The following SLC2A14 variants were observed in gnomAD, a reference collection of about 807,000 sequenced individuals.
The protein encoded by SLC2A14 is solute carrier family 2, facilitated glucose transporter member 14.
A neutral mutation model predicts 43.0 loss-of-function variants in SLC2A14; 13 were observed. The ratio of observed to expected loss-of-function variants is 0.30; its 90% CI spans 0.20 to 0.48. The LOEUF (loss-of-function observed/expected upper bound fraction) is 0.48, where lower values mean the gene tolerates loss of function less well. Among genes scored for constraint, SLC2A14 ranks in the 20% least tolerant of loss-of-function variants. The probability of loss-of-function intolerance (pLI) is 0.99; values close to 1 mark genes in which losing one functional copy is unlikely to be tolerated. For missense variants in SLC2A14, 428 were observed against 620.4 expected (o/e 0.69, Z 3.29); for synonymous variants, 190 against 233.8 (o/e 0.81, Z 1.71).
In SLC2A14 at chr12:7,817,877, T is replaced by C. The variant is rs1333008971; in HGVS notation, c.1229A>G (p.Asn410Ser). 1.9e-6 allele frequency: 3 copies of C among 1,614,048 alleles called. No individual in the cohort carries two copies. Among genetic ancestry groups the C allele is most frequent in the Non-Finnish European group, 2.5e-6 (3 of 1,179,964 alleles). ...TCCGACTAGGAAGTTGGAGGTCCAGTTGGAGCAGCCGGCCACTGCCATCGC... is the reference window on the plus strand; with the variant it reads ...TCCGACTAGGAAGTTGGAGGTCCAGCTGGAGCAGCCGGCCACTGCCATCGC... ...PAAMAVAGCS[N>S]WTSNFLVGLL... The change falls in exon 10 of 11, where the codon AAC becomes AGC. Residue 410 changes from asparagine (N) to serine (S), a missense_variant. Asn to Ser is a conservative substitution (Grantham distance 46). This residue lies in a region of SLC2A14 where 119 missense variants were observed against 188.7 expected (regional missense o/e 0.63). Transcript: ENST00000431042.
At chr12:7,863,927 C>T (rs764582571) in intron 2 of SLC2A14, among the ~76,000 whole-genome samples, 18 of 151,578 alleles carry the variant, frequency 1.2e-4, no homozygotes, top group African/African-American at 3.4e-4. Context: ...GCGATTCTCC[C>T]GCGTCAGCCT....
intron 4 of SLC2A14, 124 bp from the exon 5 acceptor site, chr12:7,830,130 T>C: frequency 1.6e-6 from 2 of 1,284,444 alleles, no homozygotes; most frequent in East Asian, 2.4e-5. Flanking sequence ...GTCTAACTTT[T>C]CTTTTTCACT....
At chr12:7,834,092 T>C (rs899993089) in intron 2 of SLC2A14, among the ~76,000 whole-genome samples, 1 of 152,164 alleles carries the variant, frequency 6.6e-6, no homozygotes, top group Non-Finnish European at 1.5e-5. Flanking sequence ...ATCGATACCC[T>C]GGAGGGCCCT....
intron 9 of SLC2A14, among the ~76,000 whole-genome samples, chr12:7,819,174 A>C (rs1863724491): frequency 6.6e-6 from 1 of 152,110 alleles, no homozygotes. Context: ...CTGAGATTGC[A>C]CCACTGCACT....
At chr12:7,853,098 G>C (rs1238585536) in intron 2 of SLC2A14, among the ~76,000 whole-genome samples, 4 of 152,060 alleles carry the variant, frequency 2.6e-5, no homozygotes, top group Non-Finnish European at 1.5e-5. Context: ...AAAATAAGAA[G>C]AGACATTGTA....
At chr12:7,833,814 C>T in intron 2 of SLC2A14, among the ~76,000 whole-genome samples, 1 of 148,842 alleles carries the variant, frequency 6.7e-6, no homozygotes, top group African/African-American at 2.4e-5. Context: ...AGAGACATTT[C>T]TTAGTGGGGA....
chr12:7,823,423 T>C (rs2120705903), intron 7 of SLC2A14, among the ~76,000 whole-genome samples: 1 of 150,178 alleles, frequency 6.7e-6, no homozygotes, highest in Admixed American at 6.6e-5. Flanking sequence ...GCTACAACTA[T>C]CACAGCTATG....
intron 2 of SLC2A14, among the ~76,000 whole-genome samples, chr12:7,840,837 A>G (rs923405097): frequency 2.6e-5 from 4 of 152,136 alleles, no homozygotes; most frequent in Non-Finnish European, 4.4e-5. Context: ...AGGAGTCAAG[A>G]ATGATCCTAA....
chr12:7,828,090 G>A lies in SLC2A14; in HGVS notation c.677-408C>T, dbSNP rs142722085. On this transcript the variant is annotated intron_variant, in intron 6 of 10. Coordinates refer to ENST00000431042, the MANE Select transcript of SLC2A14 (RefSeq NM_001286234.2). ...AAAATACAAATTAGATGGGTTGGGCGCGGTGGCTCACACCTGTAATCCCAT... is the reference window on the plus strand; with the variant it reads ...AAAATACAAATTAGATGGGTTGGGCACGGTGGCTCACACCTGTAATCCCAT... Among the ~76,000 whole-genome samples the A allele has an allele frequency of 1.0e-3, 152 of 152,070 alleles. 1 individual carries two copies. Among genetic ancestry groups the A allele is most frequent in the African/African-American group, 3.4e-3 (141 of 41,500 alleles).
rs190418810 is a variant in SLC2A14 at position 7,846,583 on chromosome 12, A to T, written c.19-13769T>A. Among the ~76,000 whole-genome samples the T allele has an allele frequency of 6.1e-4, 92 of 151,946 alleles. 1 individual carries two copies. Among genetic ancestry groups the T allele is most frequent in the Admixed American group, 4.7e-3 (72 of 15,232 alleles). On this transcript the variant is annotated intron_variant, in intron 2 of 10. Transcript: ENST00000431042. ...TGTCCAGAACTAATCTTAGTGAAAA[A>T]ACTATAGTATATCAAAAGAAAGACC...
At position 7,844,162 on chromosome 12, in the gene SLC2A14, C is replaced by T. The variant is rs1052298813; in HGVS notation, c.19-11348G>A. Among the ~76,000 whole-genome samples the T allele has an allele frequency of 3.3e-5, 5 of 152,280 alleles. No homozygotes were observed. In the East Asian group the frequency reaches 5.8e-4, roughly 18 times the overall value. ...TAGTGCTGGTTCCAGTCTATAGCCT[C>T]CTTCTCCAGAAGAAATTGCTATTTT... On this transcript the variant is annotated intron_variant, in intron 2 of 10. Coordinates refer to ENST00000431042, the MANE Select transcript of SLC2A14 (RefSeq NM_001286234.2).
rs757553481 is a variant in SLC2A14 at position 7,881,287 on chromosome 12, G to T, written c.132+9709C>A. On this transcript the variant is annotated intron_variant, in intron 1 of 9. Transcript: ENST00000539924. ...TTGCGGGAGGTGTGGAGGGAGAGGCGCGGGCGGGAACCCGGCTGCGCGCGG... is the reference window on the plus strand; with the variant it reads ...TTGCGGGAGGTGTGGAGGGAGAGGCTCGGGCGGGAACCCGGCTGCGCGCGG... Among the ~76,000 whole-genome samples, 4 of 152,160 alleles carry T rather than the reference G, an allele frequency of 2.6e-5. No homozygotes were observed. In the East Asian group the frequency reaches 7.8e-4, roughly 30 times the overall value.
At chr12:7,817,539 C>T (rs1278677864) in intron 10 of SLC2A14, among the ~76,000 whole-genome samples, 1 of 151,924 alleles carries the variant, frequency 6.6e-6, no homozygotes, top group African/African-American at 2.4e-5. Context: ...GAGGCCAAGG[C>T]GGGCAGATTA....
upstream of SLC2A14, among the ~76,000 whole-genome samples, chr12:7,874,728 A>AATATGTATAT (rs1371538452): frequency 3.2e-5 from 1 of 31,088 alleles, no homozygotes; most frequent in Non-Finnish European, 7.9e-5. Flanking sequence ...AAATATATAA[A>AATATGTATAT]AAATATATAA....
At chr12:7,865,626 T>C (rs1346049808) in intron 2 of SLC2A14, among the ~76,000 whole-genome samples, 4 of 151,234 alleles carry the variant, frequency 2.6e-5, no homozygotes, top group African/African-American at 9.7e-5. Flanking sequence ...TAACTGGCCA[T>C]TCCCCATTTC....
intron 7 of SLC2A14, among the ~76,000 whole-genome samples, 158 bp downstream of exon 7, chr12:7,827,337 G>A (rs1383724006): frequency 6.9e-6 from 1 of 143,928 alleles, no homozygotes; most frequent in Non-Finnish European, 1.5e-5. Flanking sequence ...GTGCAATGGC[G>A]CAATCTCAGC....
At chr12:7,832,693 G>A (rs769881369) in intron 3 of SLC2A14, 29 bp downstream of exon 3, 2 of 1,607,916 alleles carry the variant, frequency 1.2e-6, no homozygotes, top group Admixed American at 1.7e-5. Context: ...CCCTATTCCA[G>A]ATTCTAATTC....
intron 7 of SLC2A14, among the ~76,000 whole-genome samples, chr12:7,826,860 T>C (rs1864419818): frequency 1.4e-5 from 1 of 71,402 alleles, no homozygotes; most frequent in African/African-American, 6.0e-5. Flanking sequence ...CTTCCTTTCT[T>C]TTTTCTTTCT....
upstream of SLC2A14, among the ~76,000 whole-genome samples, chr12:7,873,906 T>G (rs1022099745): frequency 6.6e-6 from 1 of 152,078 alleles, no homozygotes; most frequent in African/African-American, 2.4e-5. Context: ...TGGAATTACC[T>G]GGAGCCTTAC....
Sources: allele counts gnomAD v4.1 joint callset (sites outside exome capture counted in the v4.1 genomes callset), GRCh38; gene constraint gnomAD v4.1.1; regional missense constraint gnomAD v4.1.1; transcripts MANE v1.5; gene names NCBI Gene and HGNC (gene_info 2026-07-23, HGNC 2026-07-21).